ZSWIM5: variants seen among roughly 807,000 people sequenced by gnomAD.
ZSWIM5 encodes the protein zinc finger SWIM-type containing 5, also known as zinc finger SWIM domain-containing protein 5.
ZSWIM5 carries 55 observed loss-of-function variants against 119.6 expected under a neutral mutation model. That is an observed-to-expected ratio of 0.46 (90% confidence interval 0.37 to 0.58). ZSWIM5 has a LOEUF of 0.58. ZSWIM5 is among the 20% of genes least tolerant of loss of function. The probability of loss-of-function intolerance (pLI) is 0.00; values close to 1 mark genes in which losing one functional copy is unlikely to be tolerated. For missense variants in ZSWIM5, 1,193 were observed against 1,512.8 expected (o/e 0.79, Z 3.51); for synonymous variants, 537 against 606.9 (o/e 0.88, Z 1.69).
At chr1:45,022,334 G>C (rs1028354526) in intron 11 of ZSWIM5, among the ~76,000 whole-genome samples, 1 of 151,940 alleles carries the variant, frequency 6.6e-6, no homozygotes, top group Non-Finnish European at 1.5e-5. Context: ...GTTTCACCGT[G>C]TTAGCCAGGA....
At chr1:45,111,626 CA>C (rs994080941) in intron 1 of ZSWIM5, among the ~76,000 whole-genome samples, 5 of 152,246 alleles carry the variant, frequency 3.3e-5, no homozygotes, top group African/African-American at 1.2e-4. Flanking sequence ...CTTGCCTTTC[CA>C]GCTTCTGGAG....
chr1:45,162,847 A>G (rs966278505), intron 1 of ZSWIM5, among the ~76,000 whole-genome samples: 10 of 152,208 alleles, frequency 6.6e-5, no homozygotes, highest in African/African-American at 2.4e-4. Flanking sequence ...GGAGCCCACC[A>G]CAGCTCAAGG....
chr1:45,028,336 A>C (rs1644932421), intron 11 of ZSWIM5, among the ~76,000 whole-genome samples: 1 of 152,166 alleles, frequency 6.6e-6, no homozygotes, highest in African/African-American at 2.4e-5. Flanking sequence ...TTATGGCTTT[A>C]GCTCTTACAT....
rs774581873 is a variant in ZSWIM5 at position 45,018,729 on chromosome 1, G to A, written c.3283C>T (p.Arg1095Ter). 4 of 1,614,246 alleles carry A rather than the reference G, an allele frequency of 2.5e-6. No individual in the cohort carries two copies. Among genetic ancestry groups the A allele is most frequent in the Non-Finnish European group, 3.4e-6 (4 of 1,180,040 alleles). The change falls in exon 14 of 14, where the codon CGA (arginine) becomes TGA (stop). Residue 1095 changes from arginine (R) to a stop codon, truncating the protein, a stop_gained. Coordinates refer to ENST00000359600, the MANE Select transcript of ZSWIM5 (RefSeq NM_020883.2). LOFTEE classifies it high-confidence loss of function. This position sits in a 1 kb window ranked among gnomAD's most constrained non-coding sequence, Gnocchi z 6.7. Reference protein sequence around the residue: ...APGLAGIPGRRSSGKLMSTDK... With the variant: ...APGLAGIPGR Reference sequence around the variant, plus strand: ...GTGGACATGAGCTTTCCAGAGCTTCGGCGGCCTGGGATGCCGGCCAGGCCA... The same window carrying A: ...GTGGACATGAGCTTTCCAGAGCTTCAGCGGCCTGGGATGCCGGCCAGGCCA...
At chr1:45,033,707 T>G (rs1644965714) in intron 11 of ZSWIM5, among the ~76,000 whole-genome samples, 4 of 152,180 alleles carry the variant, frequency 2.6e-5, no homozygotes, top group African/African-American at 9.7e-5. Context: ...TCATTGACAA[T>G]GATCCCCATT....
intron 1 of ZSWIM5, among the ~76,000 whole-genome samples, chr1:45,108,605 G>A (rs2149022025): frequency 6.6e-6 from 1 of 151,932 alleles, no homozygotes; most frequent in African/African-American, 2.4e-5. Flanking sequence ...CAAGTCATCA[G>A]AATATACTGA....
intron 1 of ZSWIM5, among the ~76,000 whole-genome samples, chr1:45,149,543 T>C (rs1645783237): frequency 1.3e-5 from 2 of 152,230 alleles, no homozygotes; most frequent in African/African-American, 2.4e-5. Context: ...GACTGATTTA[T>C]AGCTTTTTAA....
At chr1:45,024,718 G>A (rs1333384182) in intron 11 of ZSWIM5, among the ~76,000 whole-genome samples, 1 of 151,754 alleles carries the variant, frequency 6.6e-6, no homozygotes, top group Non-Finnish European at 1.5e-5. Context: ...GCAATGGTGC[G>A]ATCTTGGCTA....
At position 45,070,168 on chromosome 1, in the gene ZSWIM5, G is replaced by A. The variant is rs1466727000; in HGVS notation, c.953-9921C>T. The A allele has an allele frequency of 3.9e-6, 5 of 1,282,696 alleles. No individual in the cohort carries two copies. In the Admixed American group the frequency reaches 6.7e-5, roughly 17 times the overall value. 79.5% of individuals were successfully genotyped at this position (1,282,696 alleles called of 1,614,324 possible). A position where few individuals can be genotyped will look rare whatever the true frequency, so the allele number is the denominator to read the frequency against. On this transcript the variant is annotated intron_variant, in intron 2 of 13. Transcript: ENST00000359600. Reference sequence around the variant, plus strand: ...ACTGTAAACAGGAAGCTGGATGCAAGTCCTTCCATAATATACTGTCCATTT... The same window carrying A: ...ACTGTAAACAGGAAGCTGGATGCAAATCCTTCCATAATATACTGTCCATTT...
In ZSWIM5 at chr1:45,099,338, G is replaced by A. The variant is rs1645423437; in HGVS notation, c.596-11101C>T. Among the ~76,000 whole-genome samples the A allele has an allele frequency of 3.3e-5, 5 of 152,096 alleles. No homozygotes were observed. In the South Asian group the frequency reaches 1.0e-3, roughly 32 times the overall value. On this transcript the variant is annotated intron_variant, in intron 1 of 13. Coordinates refer to ENST00000359600, the MANE Select transcript of ZSWIM5 (RefSeq NM_020883.2). The stretch of plus-strand genomic sequence containing the variant: ...TTCCTGGACACATACACCTTCCCAA[G>A]ACTAAACCAGGAAGAAATTGAATCT...
At chr1:45,180,210 A>C (rs2149048462) in intron 1 of ZSWIM5, among the ~76,000 whole-genome samples, 2 of 152,226 alleles carry the variant, frequency 1.3e-5, no homozygotes, top group East Asian at 3.9e-4. Flanking sequence ...GGCACCTGGA[A>C]AATCGGGCCA....
intron 1 of ZSWIM5, among the ~76,000 whole-genome samples, chr1:45,198,112 T>C (rs145234268): frequency 5.3e-5 from 8 of 152,342 alleles, no homozygotes; most frequent in African/African-American, 1.2e-4. Flanking sequence ...GACAATATCA[T>C]AGACATCTCA....
intron 1 of ZSWIM5, among the ~76,000 whole-genome samples, chr1:45,121,675 C>T (rs140540497): frequency 6.6e-6 from 1 of 150,402 alleles, no homozygotes; most frequent in East Asian, 2.0e-4. Context: ...TCATAGCTCA[C>T]TGTGGCCCTG....
chr1:45,070,933 TC>T (rs1183538266), intron 2 of ZSWIM5, among the ~76,000 whole-genome samples: 1 of 152,214 alleles, frequency 6.6e-6, no homozygotes, highest in Non-Finnish European at 1.5e-5. Flanking sequence ...TGACCTGACT[TC>T]TCAAGTTATC....
Position 45,068,820 on chromosome 1 carries a change from T to C in ZSWIM5, c.953-8573A>G, listed in dbSNP as rs1017156142. On this transcript the variant is annotated intron_variant, in intron 2 of 13. Transcript: ENST00000359600. ...TTTTTTTTTTTTTTTTTTTTTTTTT[T>C]CTGAGACAGGATCTTTGTCTTCCAG... 2.8e-4 allele frequency among the ~76,000 whole-genome samples: 28 copies of C among 98,634 alleles called. 1 individual carries two copies. The South Asian group carries it at 7.3e-3, about 26-fold the overall frequency. The allele number at this position is 98,634 out of a possible 152,430, so 64.7% of individuals were successfully genotyped here.
intron 1 of ZSWIM5, among the ~76,000 whole-genome samples, chr1:45,178,516 A>G (rs1468408615): frequency 6.6e-6 from 1 of 152,184 alleles, no homozygotes; most frequent in Non-Finnish European, 1.5e-5. Context: ...AGATATGCCT[A>G]TAGATTTTTG....
chr1:45,153,093 TAAA>T (rs76324771), intron 1 of ZSWIM5, among the ~76,000 whole-genome samples: 7 of 105,850 alleles, frequency 6.6e-5, no homozygotes, highest in African/African-American at 1.6e-4. Context: ...ATTAAAAAGT[TAAA>T]AAAAAAAAAA....
At chr1:45,076,035 G>A (rs898662978) in intron 2 of ZSWIM5, among the ~76,000 whole-genome samples, 2 of 151,874 alleles carry the variant, frequency 1.3e-5, no homozygotes, top group African/African-American at 2.4e-5. Context: ...TCGTGCCCCT[G>A]CTTCTTAACT....
chr1:45,045,656 G>C (rs751889055), intron 5 of ZSWIM5, among the ~76,000 whole-genome samples: 1 of 152,032 alleles, frequency 6.6e-6, no homozygotes. Context: ...AGAATCCACC[G>C]GTCTGCTCAA....
Sources: allele counts gnomAD v4.1 joint callset (sites outside exome capture counted in the v4.1 genomes callset), GRCh38; gene constraint gnomAD v4.1.1; non-coding constraint Gnocchi (gnomAD v3.1); transcripts MANE v1.5; gene names NCBI Gene and HGNC (gene_info 2026-07-23, HGNC 2026-07-21).